The following CUEDC1 variants were observed in gnomAD, a reference collection of about 807,000 sequenced individuals.
The protein encoded by CUEDC1 is CUE domain containing 1, also known as CUE domain-containing protein 1.
A neutral mutation model predicts 43.7 loss-of-function variants in CUEDC1; 30 were observed. That is an observed-to-expected ratio of 0.69 (90% CI 0.51 to 0.93). The LOEUF (loss-of-function observed/expected upper bound fraction) is 0.93. Among genes scored for constraint, CUEDC1 ranks in the 40% least tolerant of loss-of-function variants. The pLI is 0.00. For missense variants in CUEDC1, 486 were observed against 549.0 expected (o/e 0.89, Z 1.15); for synonymous variants, 223 against 223.6 (o/e 1.00, Z 0.02).
chr17:57,894,344 G>A (rs2074387553), intron 1 of CUEDC1, among the ~76,000 whole-genome samples: 1 of 152,182 alleles, frequency 6.6e-6, no homozygotes, highest in Admixed American at 6.5e-5. Context: ...TAAGGGTGGG[G>A]CATTCCTTTA....
intron 3 of CUEDC1, among the ~76,000 whole-genome samples, chr17:57,874,534 ACACCCTCCCTGACCCC>A (rs1244820341): frequency 6.6e-6 from 1 of 152,136 alleles, no homozygotes; most frequent in East Asian, 1.9e-4. Flanking sequence ...GGGGTGGCAC[ACACCCTCCCTGACCCC>A]CAGGCTCCCG....
Position 57,885,372 on chromosome 17 carries a change from TGTC to T in CUEDC1, c.190_192del (p.Asp64del). The T allele has an allele frequency of 6.2e-7, 1 of 1,612,192 alleles. No homozygotes were observed. Among genetic ancestry groups the T allele is most frequent in the Non-Finnish European group, 8.5e-7 (1 of 1,179,716 alleles). On this transcript the variant is annotated inframe_deletion, in exon 2 of 11. Coordinates refer to ENST00000577830, the MANE Select transcript of CUEDC1 (RefSeq NM_001271875.2). ...TTGGCGCGCAGCACGCATTCGATGA[TGTC>T]GTAATCCATGTTGGGGAACATGGTC...
intron 3 of CUEDC1, among the ~76,000 whole-genome samples, chr17:57,876,546 G>A (rs956877497): frequency 2.0e-5 from 3 of 152,112 alleles, no homozygotes; most frequent in Non-Finnish European, 4.4e-5. Context: ...GGCTCAGCAC[G>A]TGGTTCACAC....
intron 1 of CUEDC1, among the ~76,000 whole-genome samples, chr17:57,900,900 T>C (rs1289064249): frequency 6.6e-6 from 1 of 152,246 alleles, no homozygotes; most frequent in Non-Finnish European, 1.5e-5. Context: ...AAGTCAAATG[T>C]TCTTTGCACT....
chr17:57,935,759 G>A (rs1232663435), intron 1 of CUEDC1, among the ~76,000 whole-genome samples: 1 of 152,118 alleles, frequency 6.6e-6, no homozygotes, highest in African/African-American at 2.4e-5. Context: ...AGCAGCCTCA[G>A]CGCCTGGCCG....
chr17:57,867,102 C>G, intron 9 of CUEDC1: 1 of 566,304 alleles, frequency 1.8e-6, no homozygotes, highest in Non-Finnish European at 3.2e-6. Context: ...TCCCCAGAAA[C>G]AGTACCTGGC....
intron 1 of CUEDC1, among the ~76,000 whole-genome samples, chr17:57,902,366 A>G (rs925631651): frequency 2.0e-5 from 3 of 152,200 alleles, no homozygotes; most frequent in Non-Finnish European, 2.9e-5. Context: ...TAGTGCTTGA[A>G]CACTGCTTGC....
At chr17:57,936,253 C>A (rs542252239) in intron 1 of CUEDC1, among the ~76,000 whole-genome samples, 1 of 152,324 alleles carries the variant, frequency 6.6e-6, no homozygotes, top group African/African-American at 2.4e-5. Flanking sequence ...AGTGCACAAG[C>A]CTGGCCAGGG....
chr17:57,884,359 G>T (rs1259465872), intron 2 of CUEDC1, among the ~76,000 whole-genome samples: 1 of 151,530 alleles, frequency 6.6e-6, no homozygotes, highest in Non-Finnish European at 1.5e-5. Context: ...CACCACGCCT[G>T]GCTAATTTTT....
chr17:57,939,230 G>T (rs962674605), intron 1 of CUEDC1, among the ~76,000 whole-genome samples: 1 of 151,430 alleles, frequency 6.6e-6, no homozygotes, highest in African/African-American at 2.4e-5. Context: ...GCCCCCCAAA[G>T]TGCTGGGATT....
In CUEDC1 at chr17:57,862,060, G is replaced by C. The variant is rs1281437437; in HGVS notation, c.*1229C>G. 1 of 152,212 alleles carries C rather than the reference G, an allele frequency of 6.6e-6. No homozygotes were observed. Among genetic ancestry groups the C allele is most frequent in the South Asian group, 2.1e-4 (1 of 4,834 alleles). 9.4% of individuals were successfully genotyped at this position (152,212 alleles called of 1,614,324 possible). A position where few individuals can be genotyped will look rare whatever the true frequency, so the allele number is the denominator to read the frequency against. On this transcript the variant is annotated 3_prime_UTR_variant, in exon 11 of 11. Coordinates refer to ENST00000577830, the MANE Select transcript of CUEDC1 (RefSeq NM_001271875.2). The stretch of plus-strand genomic sequence containing the variant: ...GATCTTGGGGCCACGGAGGCCACCA[G>C]GGCCCGGCCAAGGATCGGATGCCAC...
intron 1 of CUEDC1, among the ~76,000 whole-genome samples, chr17:57,904,052 G>A (rs1160992760): frequency 6.6e-6 from 1 of 152,088 alleles, no homozygotes; most frequent in African/African-American, 2.4e-5. Flanking sequence ...CGGCCACAGA[G>A]GGAAGGATGG....
chr17:57,929,773 T>C (rs2074785652), intron 1 of CUEDC1, among the ~76,000 whole-genome samples: 1 of 152,200 alleles, frequency 6.6e-6, no homozygotes, highest in Admixed American at 6.5e-5. Flanking sequence ...CAAAGTCTTC[T>C]AGCACAGCGC....
rs1006738321 is a variant in CUEDC1, at chr17:57,862,461, C to T, written c.*828G>A. 1.3e-5 allele frequency: 2 copies of T among 152,416 alleles called. No individual in the cohort carries two copies. Among genetic ancestry groups the T allele is most frequent in the Non-Finnish European group, 2.9e-5 (2 of 68,202 alleles). The allele number at this position is 152,416 out of a possible 1,614,324, so 9.4% of individuals were successfully genotyped here. On this transcript the variant is annotated 3_prime_UTR_variant, in exon 11 of 11. Coordinates refer to ENST00000577830, the MANE Select transcript of CUEDC1 (RefSeq NM_001271875.2). ...CCTGTGAGCCCCTACTGTGGTGTGA[C>T]TCCAGAACTGGCTTTTGTCTGCTGC...
intron 8 of CUEDC1, 54 bp from the exon 9 acceptor site, chr17:57,867,469 CCT>C: frequency 1.4e-6 from 2 of 1,474,926 alleles, no homozygotes; most frequent in South Asian, 2.4e-5. Context: ...CTGCCCTAGT[CCT>C]CCCAGTCCCA....
intron 3 of CUEDC1, among the ~76,000 whole-genome samples, chr17:57,877,361 C>T (rs8080639): frequency 0.52 from 78,718 of 151,884 alleles, 22,240 homozygotes; most frequent in African/African-American, 0.74. Context: ...CCAAGCGTGA[C>T]GGTATGCCCT....
intron 1 of CUEDC1, among the ~76,000 whole-genome samples, chr17:57,898,394 G>GCC (rs1404378862): frequency 1.3e-5 from 2 of 152,218 alleles, no homozygotes; most frequent in Admixed American, 1.3e-4. Context: ...GGGGTAGGAA[G>GCC]CCATGGAGCG....
At chr17:57,875,377 G>C (rs772803970) in intron 3 of CUEDC1, among the ~76,000 whole-genome samples, 2 of 152,190 alleles carry the variant, frequency 1.3e-5, no homozygotes, top group Non-Finnish European at 2.9e-5. Context: ...GCACAAGGTG[G>C]AGGAGGCCCC....
chr17:57,903,862 A>G (rs191683480), intron 1 of CUEDC1, among the ~76,000 whole-genome samples: 2 of 151,740 alleles, frequency 1.3e-5, no homozygotes, highest in East Asian at 1.9e-4. Context: ...CTTGAGCCCA[A>G]GCGTTCAAGG....
Sources: allele counts gnomAD v4.1 joint callset (sites outside exome capture counted in the v4.1 genomes callset), GRCh38; gene constraint gnomAD v4.1.1; transcripts MANE v1.5; gene names NCBI Gene and HGNC (gene_info 2026-07-23, HGNC 2026-07-21).